The following CAST variants were observed in gnomAD, a reference collection of about 807,000 sequenced individuals.
CAST encodes MIR583 host.
CAST carries 76 observed loss-of-function variants against 119.6 expected under a neutral mutation model. That is an observed-to-expected ratio of 0.64 (90% CI 0.53 to 0.77). CAST has a LOEUF of 0.77. Ranked by LOEUF, CAST falls within the 30% of genes least tolerant of loss-of-function variation. The probability of loss-of-function intolerance (pLI) is 0.00; values close to 1 mark genes in which losing one functional copy is unlikely to be tolerated. For synonymous variants in CAST, 319 were observed against 331.6 expected, an observed-to-expected ratio of 0.96 and a Z score of 0.41; for missense variants, 953 against 946.5, an observed-to-expected ratio of 1.01 and a Z score of -0.09.
intron 1 of CAST, among the ~76,000 whole-genome samples, chr5:96,667,381 T>C (rs931492232): frequency 6.6e-6 from 1 of 152,202 alleles, no homozygotes; most frequent in African/African-American, 2.4e-5. Flanking sequence ...CTTGCATTTC[T>C]CATAGATAAA....
the CAST span, among the ~76,000 whole-genome samples, chr5:96,260,551 T>G: frequency 6.6e-6 from 1 of 152,250 alleles, no homozygotes; most frequent in Non-Finnish European, 1.5e-5. Context: ...GAATAATATA[T>G]GCATTTATAA....
intron 22 of CAST, chr5:96,755,066 C>A (rs966580454): frequency 1.2e-5 from 2 of 170,894 alleles, no homozygotes; most frequent in African/African-American, 2.4e-5. Context: ...ATAGGCCGGG[C>A]ATGGTGGCTC....
At chr5:96,158,870 GT>G in the CAST span, among the ~76,000 whole-genome samples, 5 of 152,082 alleles carry the variant, frequency 3.3e-5, no homozygotes, top group Non-Finnish European at 5.9e-5. Flanking sequence ...ATAAATACCA[GT>G]TTTTATTTCT....
the CAST span, among the ~76,000 whole-genome samples, chr5:96,249,459 A>T: frequency 3.3e-5 from 5 of 152,342 alleles, no homozygotes; most frequent in Admixed American, 6.5e-5. Flanking sequence ...ATTGTTGCAA[A>T]GTTATAGATA....
chr5:96,434,109 C>G, the CAST span: 1 of 152,180 alleles, frequency 6.6e-6, no homozygotes, highest in Non-Finnish European at 1.5e-5. Context: ...CACTTTGGTG[C>G]TGAGCTGGAG....
chr5:96,008,544 T>C, the CAST span, among the ~76,000 whole-genome samples: 52 of 152,204 alleles, frequency 3.4e-4, no homozygotes, highest in Admixed American at 3.3e-3. Context: ...ACCTTTTCCC[T>C]TTCTCACTCT....
chr5:96,695,663 A>G (rs1753196833), intron 2 of CAST, 173 bp from the exon 3 acceptor site: 5 of 478,442 alleles, frequency 1.0e-5, no homozygotes, highest in South Asian at 9.2e-5. Context: ...CAATATTTGT[A>G]TCATCTTCAG....
chr5:96,396,942 A>G, the CAST span, among the ~76,000 whole-genome samples: 4 of 152,254 alleles, frequency 2.6e-5, no homozygotes. Flanking sequence ...AATCATAAGC[A>G]TGCCTTTAAG....
At chr5:96,193,511 A>G in the CAST span, among the ~76,000 whole-genome samples, 1 of 152,250 alleles carries the variant, frequency 6.6e-6, no homozygotes, top group African/African-American at 2.4e-5. Flanking sequence ...TCAAGTTTAC[A>G]TATGACCCAT....
chr5:96,076,143 A>AT, the CAST span, among the ~76,000 whole-genome samples: 5 of 152,076 alleles, frequency 3.3e-5, no homozygotes, highest in African/African-American at 1.2e-4. Flanking sequence ...TTCCAGGATT[A>AT]TTTTTTCAGG....
intron 1 of CAST, among the ~76,000 whole-genome samples, chr5:96,575,203 T>G (rs1248133886): frequency 6.6e-6 from 1 of 152,142 alleles, no homozygotes; most frequent in Non-Finnish European, 1.5e-5. Context: ...CATTTCAGTT[T>G]CACATGTTAT....
chr5:95,981,812 T>C, the CAST span, among the ~76,000 whole-genome samples: 1 of 151,994 alleles, frequency 6.6e-6, no homozygotes, highest in Non-Finnish European at 1.5e-5. Context: ...GAGGTGGAGG[T>C]TGCAGTGAGC....
intron 1 of CAST, among the ~76,000 whole-genome samples, chr5:96,547,666 C>T (rs1746043813): frequency 6.6e-6 from 1 of 152,228 alleles, no homozygotes; most frequent in Non-Finnish European, 1.5e-5. Context: ...AATTAATCAT[C>T]TTAAACTGCA....
the CAST span, among the ~76,000 whole-genome samples, chr5:96,496,895 A>T: frequency 6.6e-6 from 1 of 152,074 alleles, no homozygotes; most frequent in East Asian, 1.9e-4. Context: ...GTTTTAGAGT[A>T]CATGTGCACG....
At chr5:96,728,186 A>G (rs1483278997) in intron 6 of CAST, 1 of 152,236 alleles carries the variant, frequency 6.6e-6, no homozygotes, top group African/African-American at 2.4e-5. Flanking sequence ...CTAAGACAAG[A>G]CCACAAGGTT....
At chr5:96,185,466 G>T in the CAST span, among the ~76,000 whole-genome samples, 2 of 152,082 alleles carry the variant, frequency 1.3e-5, no homozygotes, top group Admixed American at 1.3e-4. Flanking sequence ...TTCTTCAAGG[G>T]TTTTTGTAGT....
At chr5:96,741,440 T>C in intron 14 of CAST, 54 bp from the exon 15 acceptor site, 1 of 1,498,892 alleles carries the variant, frequency 6.7e-7, no homozygotes, top group Non-Finnish European at 9.3e-7. Flanking sequence ...TTCAGGCTAT[T>C]ACAGTTAAAC....
At chr5:96,442,574 A>G in the CAST span, among the ~76,000 whole-genome samples, 9 of 152,384 alleles carry the variant, frequency 5.9e-5, no homozygotes, top group South Asian at 1.4e-3. Flanking sequence ...TGCCCAACGT[A>G]TTGTAGGACA....
chr5:96,495,294 A>G, the CAST span, among the ~76,000 whole-genome samples: 2 of 152,240 alleles, frequency 1.3e-5, no homozygotes, highest in South Asian at 2.1e-4. Context: ...ATGTATGTGC[A>G]GAACATGCAG....
Sources: gnomAD v4.1 joint callset for allele counts (sites outside exome capture counted in the v4.1 genomes callset) on GRCh38, gnomAD v4.1.1 for gene constraint, MANE v1.5 for transcripts, NCBI Gene and HGNC (gene_info 2026-07-23, HGNC 2026-07-21) for gene names.